The following NEFM variants were observed in gnomAD, a reference collection of about 807,000 sequenced individuals.
The protein encoded by NEFM is neurofilament medium chain, also known as neurofilament medium polypeptide.
A neutral mutation model predicts 48.1 loss-of-function variants in NEFM; 16 were observed. That is an observed-to-expected ratio of 0.33 (90% CI 0.23 to 0.51). The LOEUF (loss-of-function observed/expected upper bound fraction) is 0.51, where lower values mean the gene tolerates loss of function less well. NEFM is among the 20% of genes least tolerant of loss of function. NEFM has a pLI of 0.98. For synonymous variants in NEFM, 465 were observed against 456.9 expected, an observed-to-expected ratio of 1.02 and a Z score of -0.23; for missense variants, 1,107 against 1,136.0, an observed-to-expected ratio of 0.97 and a Z score of 0.37.
At chr8:24,915,978 A>C (rs1228073901) in intron 2 of NEFM, among the ~76,000 whole-genome samples, 1 of 152,264 alleles carries the variant, frequency 6.6e-6, no homozygotes, top group Non-Finnish European at 1.5e-5. Flanking sequence ...GGAGGTGCAG[A>C]TTAATCTCAA....
At position 24,917,590 on chromosome 8, in the gene NEFM, G is replaced by C; in HGVS notation, c.1735G>C (p.Glu579Gln). Residue 579 changes from glutamate to glutamine, a missense_variant, in exon 3 of 3, where the codon GAA becomes CAA. Glu to Gln is a conservative substitution (Grantham distance 29, BLOSUM62 2). This residue lies in a region of NEFM where 917 missense variants were observed against 916.4 expected (regional missense o/e 1.00). Coordinates refer to ENST00000221166, the MANE Select transcript of NEFM (RefSeq NM_005382.2). Reference sequence around the variant, plus strand: ...AACAGAAGCTGAAGCTGAAGGAGAGGAAGCCGAAGCTAAAGAGGAAAAGAA... The same window carrying C: ...AACAGAAGCTGAAGCTGAAGGAGAGCAAGCCGAAGCTAAAGAGGAAAAGAA... ...GETEAEAEGE[E>Q]AEAKEEKKVE... is the part of the protein sequence containing the mutation. 6.2e-7 allele frequency: 1 copy of C among 1,600,906 alleles called. No homozygotes were observed. The highest frequency in any genetic ancestry group is 8.5e-7 in the Non-Finnish European group (1 of 1,173,160).
At position 24,918,735 on chromosome 8, in the gene NEFM, G is replaced by A. The variant is rs186949291; in HGVS notation, c.*129G>A. Reference sequence around the variant, plus strand: ...TGTATTTTACTTTGTGCAATATGAGGGGACTGCATGCAAGCTCAGGGTGCT... The same window carrying A: ...TGTATTTTACTTTGTGCAATATGAGAGGACTGCATGCAAGCTCAGGGTGCT... On this transcript the variant is annotated 3_prime_UTR_variant, in exon 3 of 3. Coordinates refer to ENST00000221166, the MANE Select transcript of NEFM (RefSeq NM_005382.2). The A allele has an allele frequency of 1.3e-5, 10 of 763,262 alleles. No individual in the cohort carries two copies. The African/African-American group carries it at 1.7e-4, about 13-fold the overall frequency. The allele number at this position is 763,262 out of a possible 1,614,324, so 47.3% of individuals were successfully genotyped here. A position where few individuals can be genotyped will look rare whatever the true frequency, so the allele number is the denominator to read the frequency against.
At chr8:24,915,011 G>C in intron 1 of NEFM, 138 bp downstream of exon 1, 1 of 1,400,282 alleles carries the variant, frequency 7.1e-7, no homozygotes, top group South Asian at 1.6e-5. Flanking sequence ...GCAGACCTAG[G>C]GTATTTGCGG....
At chr8:24,915,438 T>G (rs1447567886) in intron 1 of NEFM, 167 bp from the exon 2 acceptor site, 1 of 1,129,272 alleles carries the variant, frequency 8.9e-7, no homozygotes, top group African/African-American at 1.7e-5. Flanking sequence ...CGCTTAGATT[T>G]AAAAGAAAAA....
In NEFM at chr8:24,917,392, G is replaced by A; in HGVS notation, c.1537G>A (p.Val513Met). The A allele has an allele frequency of 6.4e-7, 1 of 1,574,540 alleles. No individual in the cohort carries two copies. Among genetic ancestry groups the A allele is most frequent in the Non-Finnish European group, 8.6e-7 (1 of 1,159,650 alleles). The change falls in exon 3 of 3, where the codon GTG becomes ATG. Residue 513 changes from valine (V) to methionine (M), a missense_variant. Transcript: ENST00000221166. ...EEEVAAKKSPVKATAPEVKEE... is the reference protein window; with the variant it reads ...EEEVAAKKSPMKATAPEVKEE... Reference sequence around the variant, plus strand: ...AGAAGTAGCTGCCAAAAAGTCTCCAGTGAAAGCAACTGCACCTGAAGTTAA... The same window carrying A: ...AGAAGTAGCTGCCAAAAAGTCTCCAATGAAAGCAACTGCACCTGAAGTTAA...
rs750946613 is a variant in NEFM, at chr8:24,917,712, A to G, written c.1857A>G (p.Lys619=). The change falls in exon 3 of 3, where the codon AAA becomes AAG. Residue 619 remains lysine (K), a synonymous_variant. Coordinates refer to ENST00000221166, the MANE Select transcript of NEFM (RefSeq NM_005382.2). The stretch of plus-strand genomic sequence containing the variant: ...AAAAAGCCAAGTCTCCTGTGCCAAA[A>G]TCACCAGTGGAAGAGAAAGGCAAGT... The part of the protein sequence containing the change: ...KPEKAKSPVP[K]SPVEEKGKSP... The G allele has an allele frequency of 3.7e-6, 6 of 1,613,616 alleles. No homozygotes were observed. Among genetic ancestry groups the G allele is most frequent in the Middle Eastern group, 1.7e-4 (1 of 5,760 alleles).
chr8:24,918,511 C>T lies in NEFM; in HGVS notation c.2656C>T (p.His886Tyr), dbSNP rs1185764073. ...SVTVTQKVEE[H>Y]EETFEEKLVS... Reference sequence around the variant, plus strand: ...AACCGTCACTCAAAAGGTTGAAGAGCATGAAGAGACCTTTGAGGAGAAACT... The same window carrying T: ...AACCGTCACTCAAAAGGTTGAAGAGTATGAAGAGACCTTTGAGGAGAAACT... The change falls in exon 3 of 3, where the codon CAT (histidine) becomes TAT (tyrosine). Residue 886 changes from histidine (H) to tyrosine (Y), a missense_variant. Physicochemically the swap from His to Tyr is moderately conservative, Grantham distance 83. Transcript: ENST00000221166. 2 of 1,613,904 alleles carry T rather than the reference C, an allele frequency of 1.2e-6. No individual in the cohort carries two copies. The highest frequency in any genetic ancestry group is 1.3e-5 in the African/African-American group (1 of 75,002).
intron 2 of NEFM, among the ~76,000 whole-genome samples, chr8:24,915,989 T>A (rs1055447759): frequency 3.9e-5 from 6 of 152,258 alleles, no homozygotes; most frequent in Non-Finnish European, 8.8e-5. Context: ...TTAATCTCAA[T>A]GCACATGCTT....
At chr8:24,915,273 A>G (rs912447441) in intron 1 of NEFM, 3 of 1,276,944 alleles carry the variant, frequency 2.3e-6, no homozygotes, top group Admixed American at 7.3e-5. Context: ...GCTTCAGCCC[A>G]AAGGGCTCAG....
At chr8:24,915,214 C>T in intron 1 of NEFM, 1 of 1,285,024 alleles carries the variant, frequency 7.8e-7, no homozygotes, top group Non-Finnish European at 9.9e-7. Context: ...TGCAGAAACG[C>T]GTGTATTCTC....
rs759816628 is a variant in NEFM, at chr8:24,917,872, C to G, written c.2017C>G (p.Pro673Ala). The change falls in exon 3 of 3, where the codon CCA (proline) becomes GCA (alanine). Residue 673 changes from proline (P) to alanine (A), a missense_variant. Transcript: ENST00000221166. ...EKGKSPVSKS[P>A]VEEKAKSPVP... ...AGGCAAGTCTCCTGTGTCAAAATCA[C>G]CAGTGGAAGAGAAAGCCAAATCTCC... The G allele has an allele frequency of 6.2e-7, 1 of 1,613,916 alleles. No homozygotes were observed. Among genetic ancestry groups the G allele is most frequent in the Non-Finnish European group, 8.5e-7 (1 of 1,180,002 alleles).
chr8:24,918,414 G>T lies in NEFM; in HGVS notation c.2559G>T (p.Val853=). Residue 853 remains valine (V), a synonymous_variant, in exon 3 of 3, where the codon GTG becomes GTT. Coordinates refer to ENST00000221166, the MANE Select transcript of NEFM (RefSeq NM_005382.2). ...KGGDKSEEKV[V]VTKTVEKITS... The stretch of plus-strand genomic sequence containing the variant: ...GTGATAAAAGTGAGGAGAAAGTGGT[G>T]GTGACCAAAACGGTAGAAAAAATCA... 1 of 1,614,066 alleles carries T rather than the reference G, an allele frequency of 6.2e-7. No homozygotes were observed. Among genetic ancestry groups the T allele is most frequent in the Non-Finnish European group, 8.5e-7 (1 of 1,180,022 alleles).
At chr8:24,915,823 G>T (rs1019735969) in intron 2 of NEFM, 94 bp downstream of exon 2, 1 of 1,550,258 alleles carries the variant, frequency 6.5e-7, no homozygotes, top group African/African-American at 1.4e-5. Context: ...AGCAGGCAGG[G>T]TGCAGGCATC....
rs543169458 is a variant in NEFM at position 24,917,721 on chromosome 8, G to A, written c.1866G>A (p.Val622=). The A allele has an allele frequency of 2.8e-5, 45 of 1,613,688 alleles. No homozygotes were observed. In the East Asian group the frequency reaches 9.1e-4, roughly 33 times the overall value. ...AGTCTCCTGTGCCAAAATCACCAGT[G>A]GAAGAGAAAGGCAAGTCTCCTGTGC... ...KAKSPVPKSP[V]EEKGKSPVPK... The change falls in exon 3 of 3, where the codon GTG becomes GTA. Residue 622 remains valine (V), a synonymous_variant. Transcript: ENST00000221166.
In NEFM at chr8:24,917,377, G is replaced by A; in HGVS notation, c.1522G>A (p.Ala508Thr). ...CGAAGCTGAAGAAGAAGAAGTAGCT[G>A]CCAAAAAGTCTCCAGTGAAAGCAAC... Reference protein sequence around the residue: ...EPEAEEEEVAAKKSPVKATAP... With the variant: ...EPEAEEEEVATKKSPVKATAP... Residue 508 changes from alanine (A) to threonine (T), a missense_variant, in exon 3 of 3, where the codon GCC (alanine) becomes ACC (threonine). By Grantham distance (58) the Ala-to-Thr change is moderately conservative (BLOSUM62 0). Around this residue, in one of 3 missense-constraint regions of NEFM, gnomAD observed 917 missense variants for 916.4 expected, o/e 1.00. Coordinates refer to ENST00000221166, the MANE Select transcript of NEFM (RefSeq NM_005382.2). 6.3e-7 allele frequency: 1 copy of A among 1,586,126 alleles called. No homozygotes were observed. Among genetic ancestry groups the A allele is most frequent in the Non-Finnish European group, 8.6e-7 (1 of 1,165,586 alleles).
At chr8:24,916,951 TG>T in intron 2 of NEFM, 109 bp from the exon 3 acceptor site, 1 of 883,520 alleles carries the variant, frequency 1.1e-6, no homozygotes, top group Non-Finnish European at 1.9e-6. Context: ...ATTCTACTTA[TG>T]TAATTCTATT....
rs368542205 is a variant in NEFM, at chr8:24,917,596, G to A, written c.1741G>A (p.Glu581Lys). The A allele has an allele frequency of 1.8e-5, 29 of 1,605,322 alleles. 1 individual carries two copies. Among genetic ancestry groups the A allele is most frequent in the South Asian group, 1.2e-4 (11 of 89,940 alleles). The change falls in exon 3 of 3, where the codon GAA becomes AAA. Residue 581 changes from glutamate to lysine, a missense_variant. By Grantham distance (56) the Glu-to-Lys change is moderately conservative. Coordinates refer to ENST00000221166, the MANE Select transcript of NEFM (RefSeq NM_005382.2). ...AGCTGAAGCTGAAGGAGAGGAAGCC[G>A]AAGCTAAAGAGGAAAAGAAAGTGGA... is the stretch of plus-strand genomic sequence containing the variant. ...TEAEAEGEEAEAKEEKKVEEK... is the reference protein window; with the variant it reads ...TEAEAEGEEAKAKEEKKVEEK...
In NEFM at chr8:24,915,728, A is replaced by C; in HGVS notation, c.1204A>C (p.Arg402=). The stretch of plus-strand genomic sequence containing the variant: ...TCTGGATATAGAAATCGCTGCGTAC[A>C]GGTACGATGCTTACTACGTGCGTGG... The part of the protein sequence containing the change: ...MALDIEIAAY[R]KLLEGEETRF... The change falls in exon 2 of 3, where the codon AGA becomes CGA. Residue 402 remains arginine (R), a splice_region_variant and synonymous_variant. Transcript: ENST00000221166. 1.9e-6 allele frequency: 3 copies of C among 1,614,092 alleles called. No homozygotes were observed. Among genetic ancestry groups the C allele is most frequent in the Non-Finnish European group, 2.5e-6 (3 of 1,179,992 alleles).
Position 24,918,258 on chromosome 8 carries a change from T to C in NEFM, c.2403T>C (p.Ala801=). ...AGGGATCCAGGAAGGAAGACATAGC[T>C]GTCAATGGGGAGGTAGAAGGAAAAG... ...GAKGSRKEDI[A]VNGEVEGKEE... The change falls in exon 3 of 3, where the codon GCT becomes GCC. Residue 801 remains alanine (A), a synonymous_variant. Coordinates refer to ENST00000221166, the MANE Select transcript of NEFM (RefSeq NM_005382.2). The C allele has an allele frequency of 6.3e-7, 1 of 1,586,660 alleles. No homozygotes were observed. The highest frequency in any genetic ancestry group is 8.6e-7 in the Non-Finnish European group (1 of 1,166,256).
Sources: gnomAD v4.1 joint callset for allele counts (sites outside exome capture counted in the v4.1 genomes callset) on GRCh38, gnomAD v4.1.1 for gene constraint, gnomAD v4.1.1 regional missense constraint, MANE v1.5 for transcripts, NCBI Gene and HGNC (gene_info 2026-07-23, HGNC 2026-07-21) for gene names.